Variants in KLHL29 observed in about 807,000 individuals in gnomAD.
The protein encoded by KLHL29 is kelch-like protein 29.
KLHL29 carries 21 observed loss-of-function variants against 80.4 expected under a neutral mutation model. The observed-to-expected ratio is 0.26, with a 90% CI of 0.19 to 0.38. The LOEUF (loss-of-function observed/expected upper bound fraction) is 0.38, where lower values mean the gene tolerates loss of function less well. KLHL29 is among the 10% of genes least tolerant of loss of function. The pLI, the probability that KLHL29 is intolerant of heterozygous loss-of-function variation, is 1.00. For missense variants in KLHL29, 867 were observed against 1,223.9 expected (o/e 0.71, Z 4.35); for synonymous variants, 511 against 526.8 (o/e 0.97, Z 0.41).
Position 23,681,458 on chromosome 2 carries a change from A to C in KLHL29, c.941-2941A>C, listed in dbSNP as rs370141716. 2.0e-5 allele frequency among the ~76,000 whole-genome samples: 3 copies of C among 152,100 alleles called. No homozygotes were observed. The highest frequency in any genetic ancestry group is 4.4e-5 in the Non-Finnish European group (3 of 68,022). ...AGATAGAATCATTGCCGGGACCTCG[A>C]TTTGAAAGGAAGGTCTTCAGAAACC... On this transcript the variant is annotated intron_variant, in intron 5 of 13. Coordinates refer to ENST00000486442, the MANE Select transcript of KLHL29 (RefSeq NM_052920.2). This position sits in a 1 kb window ranked among gnomAD's most constrained non-coding sequence, Gnocchi z 4.2.
At chr2:23,462,058 ATGAGAAGAGATTTTT>A (rs996033811) in intron 1 of KLHL29, among the ~76,000 whole-genome samples, 5 of 149,828 alleles carry the variant, frequency 3.3e-5, no homozygotes, top group African/African-American at 1.2e-4. Flanking sequence ...CCTTCCACCC[ATGAGAAGAGATTTTT>A]GTCTGAATCT....
chr2:23,558,684 G>A (rs764566148), intron 2 of KLHL29, among the ~76,000 whole-genome samples: 9 of 152,204 alleles, frequency 5.9e-5, no homozygotes, highest in African/African-American at 1.4e-4. Context: ...GATTACAGGC[G>A]TGAGCCCCCA....
chr2:23,386,974 C>T (rs1221341777), intron 1 of KLHL29, among the ~76,000 whole-genome samples: 1 of 152,086 alleles, frequency 6.6e-6, no homozygotes, highest in Non-Finnish European at 1.5e-5. Flanking sequence ...TGGAACCAAG[C>T]GGCAGACGCG....
At chr2:23,698,822 C>T (rs758268438) in intron 11 of KLHL29, among the ~76,000 whole-genome samples, 1 of 152,156 alleles carries the variant, frequency 6.6e-6, no homozygotes, top group Non-Finnish European at 1.5e-5. Flanking sequence ...CGGGAGGGCT[C>T]ATGGCTTGGC....
rs371741996 is a variant in KLHL29 at position 23,524,658 on chromosome 2, G to T, written c.-45-37494G>T. 2.6e-5 allele frequency among the ~76,000 whole-genome samples: 4 copies of T among 152,338 alleles called. No homozygotes were observed. The East Asian group carries it at 7.7e-4, about 29-fold the overall frequency. On this transcript the variant is annotated intron_variant, in intron 2 of 13. Coordinates refer to ENST00000486442, the MANE Select transcript of KLHL29 (RefSeq NM_052920.2). Reference sequence around the variant, plus strand: ...GTGGTTGAGAGGACACCTCTGATTCGATCTGTTCCGTTCCTTTGCTGGCCT... The same window carrying T: ...GTGGTTGAGAGGACACCTCTGATTCTATCTGTTCCGTTCCTTTGCTGGCCT...
intron 1 of KLHL29, among the ~76,000 whole-genome samples, chr2:23,411,536 C>T (rs1666859236): frequency 6.6e-6 from 1 of 151,772 alleles, no homozygotes; most frequent in Non-Finnish European, 1.5e-5. Context: ...GGCAGGACCT[C>T]GAGAAGAGAG....
chr2:23,580,092 C>T lies in KLHL29; in HGVS notation c.285+17611C>T, dbSNP rs140983907. The stretch of plus-strand genomic sequence containing the variant: ...TCCACGTAAAAAATCTAGACCAGGC[C>T]GGGCGCGGTGGCTCACGCCTGTAAT... On this transcript the variant is annotated intron_variant, in intron 3 of 13. Transcript: ENST00000486442. Among the ~76,000 whole-genome samples, 132 of 152,326 alleles carry T rather than the reference C, an allele frequency of 8.7e-4. 3 individuals are homozygous for T. The South Asian group carries it at 0.015, about 17-fold the overall frequency.
At chr2:23,546,793 G>C (rs1237271438) in intron 2 of KLHL29, among the ~76,000 whole-genome samples, 1 of 152,250 alleles carries the variant, frequency 6.6e-6, no homozygotes, top group Non-Finnish European at 1.5e-5. Context: ...CCAAGGCTGT[G>C]CCTGAATCTT....
chr2:23,584,165 GC>G (rs1668059187), intron 3 of KLHL29, among the ~76,000 whole-genome samples: 2 of 152,214 alleles, frequency 1.3e-5, no homozygotes, highest in Admixed American at 6.5e-5. Context: ...GCTCCAGCCG[GC>G]CTCCCAGGTC....
chr2:23,450,594 C>T (rs1290477672), intron 1 of KLHL29, among the ~76,000 whole-genome samples: 1 of 152,070 alleles, frequency 6.6e-6, no homozygotes, highest in Non-Finnish European at 1.5e-5. Context: ...ACATTCCTCC[C>T]GTTTTTCTTT....
At chr2:23,459,496 A>G (rs1664149869) in intron 1 of KLHL29, among the ~76,000 whole-genome samples, 1 of 152,176 alleles carries the variant, frequency 6.6e-6, no homozygotes. Flanking sequence ...GATGTCTAAT[A>G]GCCAGGGAGG....
At chr2:23,569,256 T>A (rs1464530488) in intron 3 of KLHL29, among the ~76,000 whole-genome samples, 1 of 152,238 alleles carries the variant, frequency 6.6e-6, no homozygotes, top group African/African-American at 2.4e-5. Flanking sequence ...ATGGGGAGAC[T>A]TCCTAATGAG....
rs1666142801 is a variant in KLHL29 at position 23,385,272 on chromosome 2, C to G, written c.-662C>G. 1 of 146,146 alleles carries G rather than the reference C, an allele frequency of 6.8e-6. No individual in the cohort carries two copies. Among genetic ancestry groups the G allele is most frequent in the African/African-American group, 2.5e-5 (1 of 40,224 alleles). 9.1% of individuals were successfully genotyped at this position (146,146 alleles called of 1,614,324 possible). A position where few individuals can be genotyped will look rare whatever the true frequency, so the allele number is the denominator to read the frequency against. Reference sequence around the variant, plus strand: ...GCGCCGCCGCCGCCGTCCCCGCCACCGCGGATCTCGCCGCAGCTCCAGCCC... The same window carrying G: ...GCGCCGCCGCCGCCGTCCCCGCCACGGCGGATCTCGCCGCAGCTCCAGCCC... On this transcript the variant is annotated 5_prime_UTR_variant, in exon 1 of 14. Transcript: ENST00000486442.
chr2:23,457,575 AG>A lies in KLHL29; in HGVS notation c.-153-17984del, dbSNP rs1664091974. Among the ~76,000 whole-genome samples, 2 of 152,034 alleles carry A rather than the reference AG, an allele frequency of 1.3e-5. No individual in the cohort carries two copies. The highest frequency in any genetic ancestry group is 2.9e-5 in the Non-Finnish European group (2 of 68,008). On this transcript the variant is annotated intron_variant, in intron 1 of 13. Coordinates refer to ENST00000486442, the MANE Select transcript of KLHL29 (RefSeq NM_052920.2). The surrounding 1 kb of genome is among the most constrained non-coding windows in gnomAD (Gnocchi z 4.3). ...TGGAATTCCCTGTTCTGCTTTTAGG[AG>A]TGTCACAAGGATTGTAACAGCGTCC... is the stretch of plus-strand genomic sequence containing the variant.
rs914189305 is a variant in KLHL29, at chr2:23,669,861, G to A, written c.941-14538G>A. ...CCATTGGATTTGTAAAAACAGGGCC[G>A]TGGTATTATCACAGAATCTGGTAGG... On this transcript the variant is annotated intron_variant, in intron 5 of 13. Coordinates refer to ENST00000486442, the MANE Select transcript of KLHL29 (RefSeq NM_052920.2). The surrounding 1 kb of genome is among the most constrained non-coding windows in gnomAD (Gnocchi z 4.3). 1.3e-5 allele frequency among the ~76,000 whole-genome samples: 2 copies of A among 152,156 alleles called. No homozygotes were observed. Among genetic ancestry groups the A allele is most frequent in the Non-Finnish European group, 2.9e-5 (2 of 68,026 alleles).
intron 6 of KLHL29, 187 bp from the exon 7 acceptor site, chr2:23,691,487 G>A (rs939574385): frequency 1.8e-5 from 11 of 601,232 alleles, no homozygotes; most frequent in Admixed American, 8.8e-5. Flanking sequence ...TCTTTTGGGC[G>A]TCTCTGGTCA....
chr2:23,479,308 A>G (rs977497132), intron 2 of KLHL29, among the ~76,000 whole-genome samples: 1 of 151,680 alleles, frequency 6.6e-6, no homozygotes, highest in African/African-American at 2.4e-5. Context: ...CACAGGCATC[A>G]TTTGGGATTC....
chr2:23,571,807 C>T (rs1404426546), intron 3 of KLHL29, among the ~76,000 whole-genome samples: 1 of 152,180 alleles, frequency 6.6e-6, no homozygotes, highest in East Asian at 1.9e-4. Flanking sequence ...AGCCTTGGTA[C>T]TGCTTTGCTC....
intron 1 of KLHL29, among the ~76,000 whole-genome samples, chr2:23,432,280 CATTG>C (rs1394963083): frequency 6.6e-6 from 1 of 152,230 alleles, no homozygotes; most frequent in Non-Finnish European, 1.5e-5. Context: ...AATGCCAAAG[CATTG>C]ATTGACATAA....
Sources: gnomAD v4.1 joint callset for allele counts (sites outside exome capture counted in the v4.1 genomes callset) on GRCh38, gnomAD v4.1.1 for gene constraint, Gnocchi (gnomAD v3.1) non-coding constraint, MANE v1.5 for transcripts, NCBI Gene and HGNC (gene_info 2026-07-23, HGNC 2026-07-21) for gene names.